Variants in ZCWPW2 observed in about 807,000 individuals in gnomAD.
The protein encoded by ZCWPW2 is zinc finger CW-type and PWWP domain containing 2, also known as zinc finger CW-type PWWP domain protein 2.
ZCWPW2 carries 45 observed loss-of-function variants against 46.6 expected under a neutral mutation model. That is an observed-to-expected ratio of 0.96 (90% confidence interval 0.76 to 1.24). The LOEUF is 1.24. Ranked by LOEUF, ZCWPW2 falls within the 50% of genes most tolerant of loss-of-function variation. ZCWPW2 has a pLI of 0.00. For synonymous variants in ZCWPW2, 152 were observed against 137.1 expected, an observed-to-expected ratio of 1.11 and a Z score of -0.76; for missense variants, 429 against 403.9, an observed-to-expected ratio of 1.06 and a Z score of -0.53.
intron 5 of ZCWPW2, among the ~76,000 whole-genome samples, chr3:28,490,729 T>G (rs1256355390): frequency 6.6e-6 from 1 of 151,974 alleles, no homozygotes; most frequent in Non-Finnish European, 1.5e-5. Flanking sequence ...CTATGCTATA[T>G]AGCAAACCTG....
intron 1 of ZCWPW2, among the ~76,000 whole-genome samples, chr3:28,362,798 C>A (rs112216223): frequency 6.6e-6 from 1 of 152,000 alleles, no homozygotes; most frequent in African/African-American, 2.4e-5. Flanking sequence ...GTAGCAAAGA[C>A]AATGAATCAA....
chr3:28,368,986 T>C (rs1457504593), intron 1 of ZCWPW2, among the ~76,000 whole-genome samples: 2 of 152,232 alleles, frequency 1.3e-5, no homozygotes, highest in Non-Finnish European at 2.9e-5. Context: ...CACGTAGTTC[T>C]CGTGCCATGG....
At chr3:28,484,975 C>A (rs769023391) in intron 5 of ZCWPW2, among the ~76,000 whole-genome samples, 5 of 151,900 alleles carry the variant, frequency 3.3e-5, no homozygotes, top group Admixed American at 6.6e-5. Context: ...TTCTAGTTTC[C>A]AAAGTAAAAG....
chr3:28,363,460 A>G (rs1705013898), intron 1 of ZCWPW2, among the ~76,000 whole-genome samples: 1 of 152,146 alleles, frequency 6.6e-6, no homozygotes, highest in Admixed American at 6.6e-5. Context: ...TATTAATGTT[A>G]ACCATATCTT....
intron 1 of ZCWPW2, among the ~76,000 whole-genome samples, chr3:28,371,628 T>C (rs889894638): frequency 6.6e-6 from 1 of 152,022 alleles, no homozygotes; most frequent in Non-Finnish European, 1.5e-5. Flanking sequence ...CACTGCAGTC[T>C]AGCCTGGGCA....
intron 1 of ZCWPW2, among the ~76,000 whole-genome samples, chr3:28,368,913 C>A (rs1705216298): frequency 6.6e-6 from 1 of 152,116 alleles, no homozygotes; most frequent in Non-Finnish European, 1.5e-5. Context: ...TTCATTTGAT[C>A]TTCCATTACT....
intron 1 of ZCWPW2, among the ~76,000 whole-genome samples, chr3:28,381,897 G>A (rs961698120): frequency 6.6e-6 from 1 of 152,078 alleles, no homozygotes; most frequent in Non-Finnish European, 1.5e-5. Context: ...AGGCGTGGTG[G>A]TTCACACCTC....
At chr3:28,370,559 G>A (rs1418366056) in intron 1 of ZCWPW2, among the ~76,000 whole-genome samples, 1 of 152,152 alleles carries the variant, frequency 6.6e-6, no homozygotes, top group Admixed American at 6.5e-5. Flanking sequence ...TACTATTGGG[G>A]AGAAGAAAGA....
At chr3:28,465,402 G>C (rs1343314473) in intron 4 of ZCWPW2, among the ~76,000 whole-genome samples, 1 of 152,178 alleles carries the variant, frequency 6.6e-6, no homozygotes, top group African/African-American at 2.4e-5. Flanking sequence ...GAAAGATTAT[G>C]ATAATGTCTA....
intron 5 of ZCWPW2, 64 bp from the exon 6 acceptor site, chr3:28,492,063 C>A: frequency 6.9e-7 from 1 of 1,454,324 alleles, no homozygotes; most frequent in Non-Finnish European, 9.5e-7. Flanking sequence ...TTGTGTAATT[C>A]AGTATTTATT....
rs192723105 is a variant in ZCWPW2 at position 28,492,232 on chromosome 3, C to G, written c.657+59C>G. ...ACTTCAAATTTCATTTAACACTATT[C>G]TTTAAAGAAAATTATATTATTTAAA... On this transcript the variant is annotated intron_variant, in intron 6 of 9. Transcript: ENST00000383768. The G allele has an allele frequency of 1.7e-4, 241 of 1,391,864 alleles. No homozygotes were observed. In the African/African-American group the frequency reaches 3.2e-3, roughly 18 times the overall value. 86.2% of individuals were successfully genotyped at this position (1,391,864 alleles called of 1,614,324 possible).
intron 2 of ZCWPW2, among the ~76,000 whole-genome samples, chr3:28,395,164 TCAA>T (rs762698336): frequency 2.0e-5 from 3 of 152,064 alleles, no homozygotes; most frequent in Non-Finnish European, 4.4e-5. Flanking sequence ...GAAAAGATGT[TCAA>T]CATCAATAAT....
rs150332591 is a variant in ZCWPW2 at position 28,447,805 on chromosome 3, C to T, written c.492+12536C>T. 8.1e-4 allele frequency: 707 copies of T among 871,022 alleles called. 10 individuals are homozygous for T. In the African/African-American group the frequency reaches 9.2e-3, roughly 11 times the overall value. The allele number at this position is 871,022 out of a possible 1,614,324, so 54.0% of individuals were successfully genotyped here. A position where few individuals can be genotyped will look rare whatever the true frequency, so the allele number is the denominator to read the frequency against. On this transcript the variant is annotated intron_variant, in intron 4 of 9. Coordinates refer to ENST00000383768, the MANE Select transcript of ZCWPW2 (RefSeq NM_001040432.4). ...AAACTAGGCTTTCCTGAACCCCTGG[C>T]AATAGAATTGTTTACCTTTATACAA...
intron 4 of ZCWPW2, among the ~76,000 whole-genome samples, chr3:28,460,478 A>T (rs1698588697): frequency 6.6e-6 from 1 of 152,176 alleles, no homozygotes; most frequent in Admixed American, 6.5e-5. Context: ...AATAAACCAT[A>T]TTTGATTATT....
chr3:28,397,345 A>T (rs1382536105), intron 2 of ZCWPW2, among the ~76,000 whole-genome samples: 2 of 151,962 alleles, frequency 1.3e-5, no homozygotes, highest in African/African-American at 2.4e-5. Flanking sequence ...TTATTTTTTA[A>T]TTTTTTCAAA....
chr3:28,420,773 T>C (rs1275014325), intron 3 of ZCWPW2, among the ~76,000 whole-genome samples: 1 of 152,104 alleles, frequency 6.6e-6, no homozygotes, highest in African/African-American at 2.4e-5. Flanking sequence ...CTTGAGTACT[T>C]TTATATGAAA....
At chr3:28,367,129 TG>T (rs1463401094) in intron 1 of ZCWPW2, among the ~76,000 whole-genome samples, 2 of 152,210 alleles carry the variant, frequency 1.3e-5, no homozygotes, top group Admixed American at 1.3e-4. Flanking sequence ...AAGGGTTTTT[TG>T]TGTCTCTCTT....
At chr3:28,371,060 A>C (rs1198927510) in intron 1 of ZCWPW2, among the ~76,000 whole-genome samples, 1 of 152,172 alleles carries the variant, frequency 6.6e-6, no homozygotes, top group Admixed American at 6.6e-5. Context: ...AATTAGTTAC[A>C]GAGTTATGTT....
intron 4 of ZCWPW2, among the ~76,000 whole-genome samples, chr3:28,453,921 T>C (rs1467797534): frequency 6.6e-6 from 1 of 151,438 alleles, no homozygotes; most frequent in African/African-American, 2.4e-5. Flanking sequence ...CTCGGCTCAC[T>C]GCAAGCTCCG....
Sources: allele counts gnomAD v4.1 joint callset (sites outside exome capture counted in the v4.1 genomes callset), GRCh38; gene constraint gnomAD v4.1.1; transcripts MANE v1.5; gene names NCBI Gene and HGNC (gene_info 2026-07-23, HGNC 2026-07-21).